Variants in CNTNAP2 observed in about 807,000 individuals in gnomAD.
CNTNAP2 encodes contactin-associated protein-like 2.
A neutral mutation model predicts 155.2 loss-of-function variants in CNTNAP2; 98 were observed. The ratio of observed to expected loss-of-function variants is 0.63; its 90% confidence interval spans 0.54 to 0.75. The LOEUF is 0.75. Ranked by LOEUF, CNTNAP2 falls within the 30% of genes least tolerant of loss-of-function variation. CNTNAP2 has a pLI of 0.00. For synonymous variants in CNTNAP2, 651 were observed against 631.2 expected (o/e 1.03, Z -0.47); for missense variants, 1,727 against 1,688.1 (o/e 1.02, Z -0.40).
At position 146,575,662 on chromosome 7, in the gene CNTNAP2, C is replaced by T. The variant is rs190570033; in HGVS notation, c.98-198609C>T. 1.1e-4 allele frequency among the ~76,000 whole-genome samples: 16 copies of T among 152,194 alleles called. No individual in the cohort carries two copies. The East Asian group carries it at 2.9e-3, about 28-fold the overall frequency. On this transcript the variant is annotated intron_variant, in intron 1 of 23. Coordinates refer to ENST00000361727, the MANE Select transcript of CNTNAP2 (RefSeq NM_014141.6). ...CTGGTGGAAAAGGCCAGATTGCCAA[C>T]TTTTAAAACTGAAATATGTTGTCAG...
intron 15 of CNTNAP2, among the ~76,000 whole-genome samples, chr7:148,083,343 G>A (rs1585116555): frequency 6.6e-6 from 1 of 152,144 alleles, no homozygotes; most frequent in Non-Finnish European, 1.5e-5. Context: ...TGCAGAGTGG[G>A]GGGCAGTGGG....
At chr7:147,764,106 T>C in intron 13 of CNTNAP2, among the ~76,000 whole-genome samples, 1 of 151,996 alleles carries the variant, frequency 6.6e-6, no homozygotes, top group South Asian at 2.1e-4. Context: ...CAAATCTCTA[T>C]CTCGTGTATT....
chr7:147,959,277 C>A (rs186892254), intron 14 of CNTNAP2, among the ~76,000 whole-genome samples: 2 of 152,100 alleles, frequency 1.3e-5, no homozygotes, highest in Non-Finnish European at 2.9e-5. Flanking sequence ...ATGACCTTCT[C>A]CCTTATTCCA....
intron 14 of CNTNAP2, among the ~76,000 whole-genome samples, chr7:147,908,149 T>C (rs888735967): frequency 1.3e-5 from 2 of 152,182 alleles, no homozygotes; most frequent in African/African-American, 4.8e-5. Flanking sequence ...GGCCCCTTCA[T>C]GCTCTTGACC....
chr7:147,495,844 C>T (rs753145550), intron 11 of CNTNAP2, among the ~76,000 whole-genome samples: 17 of 152,168 alleles, frequency 1.1e-4, no homozygotes, highest in Admixed American at 2.0e-4. Flanking sequence ...GGCCACATAG[C>T]AGAAGGTGAG....
At chr7:148,151,586 A>G (rs1349431684) in intron 17 of CNTNAP2, among the ~76,000 whole-genome samples, 2 of 152,194 alleles carry the variant, frequency 1.3e-5, no homozygotes, top group African/African-American at 2.4e-5. Context: ...ATGAGCCACT[A>G]TGCCCAGCAG....
At chr7:146,471,647 A>C (rs1174372091) in intron 1 of CNTNAP2, among the ~76,000 whole-genome samples, 2 of 152,258 alleles carry the variant, frequency 1.3e-5, no homozygotes, top group South Asian at 4.1e-4. Flanking sequence ...TGAATGCTCA[A>C]ATGAAATCTC....
chr7:147,300,647 AT>A (rs1794931262), intron 9 of CNTNAP2, among the ~76,000 whole-genome samples: 1 of 152,134 alleles, frequency 6.6e-6, no homozygotes, highest in Non-Finnish European at 1.5e-5. Flanking sequence ...TCAAACAAAC[AT>A]TTATTATCTC....
intron 13 of CNTNAP2, among the ~76,000 whole-genome samples, chr7:147,740,028 A>T (rs1253825114): frequency 6.6e-6 from 1 of 152,082 alleles, no homozygotes; most frequent in Non-Finnish European, 1.5e-5. Flanking sequence ...TTTGACTGGC[A>T]TCTCTGCAGA....
intron 1 of CNTNAP2, among the ~76,000 whole-genome samples, chr7:146,143,400 A>C (rs1266702455): frequency 6.6e-6 from 1 of 152,182 alleles, no homozygotes; most frequent in Non-Finnish European, 1.5e-5. Context: ...TTTTCCATGA[A>C]TAAGGACAAA....
intron 8 of CNTNAP2, among the ~76,000 whole-genome samples, chr7:147,245,173 G>A (rs79839263): frequency 0.11 from 16,482 of 152,018 alleles, 1,021 homozygotes; most frequent in Middle Eastern, 0.14. Flanking sequence ...GCCCTTGCTG[G>A]CCCTCAGAAG....
At chr7:146,367,002 T>G (rs1795164910) in intron 1 of CNTNAP2, among the ~76,000 whole-genome samples, 10 of 152,150 alleles carry the variant, frequency 6.6e-5, no homozygotes, top group Admixed American at 6.5e-4. Flanking sequence ...AATTTCAAAA[T>G]AGACAGTATA....
chr7:147,575,758 T>G (rs1800386688), intron 12 of CNTNAP2, among the ~76,000 whole-genome samples: 1 of 152,040 alleles, frequency 6.6e-6, no homozygotes, highest in African/African-American at 2.4e-5. Flanking sequence ...TAAATTTTCC[T>G]TTTTGGTTAA....
At chr7:148,131,048 T>C (rs1179549135) in intron 16 of CNTNAP2, among the ~76,000 whole-genome samples, 1 of 150,224 alleles carries the variant, frequency 6.7e-6, no homozygotes, top group African/African-American at 2.4e-5. Context: ...TCTATCTCAC[T>C]CTCTTGGATT....
At chr7:148,267,255 A>G in intron 21 of CNTNAP2, 129 bp downstream of exon 21, 1 of 817,094 alleles carries the variant, frequency 1.2e-6, no homozygotes, top group South Asian at 1.4e-5. Flanking sequence ...TCTGTACAGG[A>G]AAGTTACGTG....
chr7:147,304,445 T>G (rs1316749198), intron 9 of CNTNAP2, among the ~76,000 whole-genome samples: 1 of 152,234 alleles, frequency 6.6e-6, no homozygotes, highest in East Asian at 1.9e-4. Flanking sequence ...TCCATGGCTA[T>G]GAGACAGCAG....
chr7:146,519,066 T>A (rs1797579892), intron 1 of CNTNAP2, among the ~76,000 whole-genome samples: 1 of 151,934 alleles, frequency 6.6e-6, no homozygotes, highest in Non-Finnish European at 1.5e-5. Flanking sequence ...TTCACATGTC[T>A]GCATCTCTAA....
chr7:147,074,340 A>G (rs907813174), intron 4 of CNTNAP2, among the ~76,000 whole-genome samples: 2 of 152,098 alleles, frequency 1.3e-5, no homozygotes, highest in African/African-American at 4.8e-5. Flanking sequence ...GATGTGCCTC[A>G]TTTAGCTATG....
chr7:147,403,936 C>CT lies in CNTNAP2; in HGVS notation c.1670+8162dup, dbSNP rs2116473188. On this transcript the variant is annotated intron_variant, in intron 10 of 23. Transcript: ENST00000361727. ...TGCTACCCTCTAGGTCGGACACCTCCTTTTTTCATACATTTCCAGGTTGAC... is the reference window on the plus strand; with the variant it reads ...TGCTACCCTCTAGGTCGGACACCTCCTTTTTTTCATACATTTCCAGGTTGAC... Among the ~76,000 whole-genome samples the CT allele has an allele frequency of 1.3e-5, 2 of 152,262 alleles. 1 individual carries two copies. Among genetic ancestry groups the CT allele is most frequent in the South Asian group, 4.1e-4 (2 of 4,824 alleles).
Sources: gnomAD v4.1 joint callset for allele counts (sites outside exome capture counted in the v4.1 genomes callset) on GRCh38, gnomAD v4.1.1 for gene constraint, MANE v1.5 for transcripts, NCBI Gene and HGNC (gene_info 2026-07-23, HGNC 2026-07-21) for gene names.